Variants in HACD3 observed in about 807,000 individuals in gnomAD.
HACD3 encodes very-long-chain (3R)-3-hydroxyacyl-CoA dehydratase 3.
Under a neutral mutation model 55.2 loss-of-function variants are expected in HACD3, and 30 were observed. That is an observed-to-expected ratio of 0.54 (90% CI 0.41 to 0.74). The LOEUF (loss-of-function observed/expected upper bound fraction) is 0.74, where lower values mean the gene tolerates loss of function less well. Ranked by LOEUF, HACD3 falls within the 30% of genes least tolerant of loss-of-function variation. The pLI, the probability that HACD3 is intolerant of heterozygous loss-of-function variation, is 0.00. For synonymous variants in HACD3, 141 were observed against 151.7 expected, an observed-to-expected ratio of 0.93 and a Z score of 0.52; for missense variants, 363 against 440.1, an observed-to-expected ratio of 0.82 and a Z score of 1.57.
chr15:65,537,451 A>T (rs957618228), intron 1 of HACD3, among the ~76,000 whole-genome samples: 1 of 151,914 alleles, frequency 6.6e-6, no homozygotes, highest in Non-Finnish European at 1.5e-5. Context: ...TTGAAGTTGA[A>T]GCCAGTGCCC....
At position 65,564,451 on chromosome 15, in the gene HACD3, T is replaced by C. The variant is rs930127163; in HGVS notation, c.660+109T>C. The C allele has an allele frequency of 1.3e-5, 17 of 1,355,362 alleles. No homozygotes were observed. In the African/African-American group the frequency reaches 1.6e-4, roughly 13 times the overall value. 84.0% of individuals were successfully genotyped at this position (1,355,362 alleles called of 1,614,324 possible). A position where few individuals can be genotyped will look rare whatever the true frequency, so the allele number is the denominator to read the frequency against. On this transcript the variant is annotated intron_variant, in intron 7 of 10. Coordinates refer to ENST00000261875, the MANE Select transcript of HACD3 (RefSeq NM_016395.4). Reference sequence around the variant, plus strand: ...CTGCTCATAAAGACATACCTGAGACTGGGCAGTTTACAAAAGAAAGAGGTT... The same window carrying C: ...CTGCTCATAAAGACATACCTGAGACCGGGCAGTTTACAAAAGAAAGAGGTT...
Position 65,530,674 on chromosome 15 carries a change from C to A in HACD3, c.43C>A (p.Arg15=), listed in dbSNP as rs1183925835. 1.3e-6 allele frequency: 2 copies of A among 1,581,186 alleles called. No individual in the cohort carries two copies. The highest frequency in any genetic ancestry group is 1.4e-5 in the African/African-American group (1 of 73,876). ...GACGCCGCATGTCTACTGGGCTCAG[C>A]GACACCGCGAGCTATATCTGCGCGT... ...VLTPHVYWAQ[R]HRELYLRVEL... is the part of the protein sequence containing the mutation. Residue 15 remains arginine (R), a synonymous_variant, in exon 1 of 11, where the codon CGA becomes AGA. Coordinates refer to ENST00000261875, the MANE Select transcript of HACD3 (RefSeq NM_016395.4).
chr15:65,555,078 G>T, intron 3 of HACD3, 118 bp downstream of exon 3: 1 of 807,788 alleles, frequency 1.2e-6, no homozygotes. Flanking sequence ...GGGAATAATA[G>T]AGTTCTTTTA....
At position 65,544,128 on chromosome 15, in the gene HACD3, G is replaced by A. The variant is rs547946474; in HGVS notation, c.88-7548G>A. On this transcript the variant is annotated intron_variant, in intron 1 of 10. Transcript: ENST00000261875. The stretch of plus-strand genomic sequence containing the variant: ...GGAGGCGGAGCTTGCAGTGAGCCGA[G>A]ATTACGCCACTGCACTCCAGCCTGG... Among the ~76,000 whole-genome samples the A allele has an allele frequency of 2.4e-4, 36 of 152,248 alleles. No individual in the cohort carries two copies. In the East Asian group the frequency reaches 3.9e-3, roughly 16 times the overall value.
Position 65,558,704 on chromosome 15 carries a change from C to T in HACD3, c.394C>T (p.Arg132Ter), listed in dbSNP as rs754407217. The T allele has an allele frequency of 6.9e-6, 11 of 1,601,294 alleles. No homozygotes were observed. The highest frequency in any genetic ancestry group is 1.7e-4 in the Middle Eastern group (1 of 6,044). Residue 132 changes from arginine to a stop codon, truncating the protein, a stop_gained, in exon 5 of 11, where the codon CGA becomes TGA. Transcript: ENST00000261875. LOFTEE classifies it high-confidence loss of function. ...GGAAGAAGAGCGCCTAAATAAACTCCGACTGGAAAGCGAAGGCTCTCCTGA... is the reference window on the plus strand; with the variant it reads ...GGAAGAAGAGCGCCTAAATAAACTCTGACTGGAAAGCGAAGGCTCTCCTGA... ...AKEEERLNKLRLESEGSPETL... is the reference protein window; with the variant it reads ...AKEEERLNKL
chr15:65,530,642 AGGTGTTGAC>A lies in HACD3; in HGVS notation c.13_21del (p.Val5_Thr7del). 1 of 1,578,802 alleles carries A rather than the reference AGGTGTTGAC, an allele frequency of 6.3e-7. No homozygotes were observed. The highest frequency in any genetic ancestry group is 8.6e-7 in the Non-Finnish European group (1 of 1,163,446). The stretch of plus-strand genomic sequence containing the variant: ...CTGGGCAGTGTGGCCATGGAGAATC[AGGTGTTGAC>A]GCCGCATGTCTACTGGGCTCAGCGA... On this transcript the variant is annotated inframe_deletion, in exon 1 of 11. Coordinates refer to ENST00000261875, the MANE Select transcript of HACD3 (RefSeq NM_016395.4).
At chr15:65,538,938 G>A (rs1275545860) in intron 1 of HACD3, among the ~76,000 whole-genome samples, 1 of 152,102 alleles carries the variant, frequency 6.6e-6, no homozygotes, top group East Asian at 1.9e-4. Context: ...TAAAGTTAAG[G>A]TATGTACACT....
intron 1 of HACD3, among the ~76,000 whole-genome samples, chr15:65,540,315 G>A (rs559475227): frequency 3.8e-4 from 58 of 152,208 alleles, no homozygotes; most frequent in African/African-American, 1.4e-3. Context: ...CACATATAAA[G>A]GCACTACCTT....
intron 6 of HACD3, 43 bp from the exon 7 acceptor site, chr15:65,564,172 A>G: frequency 6.3e-7 from 1 of 1,594,000 alleles, no homozygotes; most frequent in African/African-American, 1.3e-5. Flanking sequence ...TTCTGTTGGA[A>G]TTTACCAACT....
Position 65,530,604 on chromosome 15 carries a change from G to C in HACD3, c.-28G>C, listed in dbSNP as rs1043536952. The stretch of plus-strand genomic sequence containing the variant: ...GAGGCAGCGAGGCGCAGCGAGCCTA[G>C]CCTCCCCGCGCCCTGGGCAGTGTGG... On this transcript the variant is annotated 5_prime_UTR_variant, in exon 1 of 11. Coordinates refer to ENST00000261875, the MANE Select transcript of HACD3 (RefSeq NM_016395.4). 1.3e-6 allele frequency: 2 copies of C among 1,552,120 alleles called. No individual in the cohort carries two copies. Among genetic ancestry groups the C allele is most frequent in the Non-Finnish European group, 1.7e-6 (2 of 1,148,040 alleles).
At chr15:65,549,494 G>T (rs1399385372) in intron 1 of HACD3, among the ~76,000 whole-genome samples, 1 of 150,936 alleles carries the variant, frequency 6.6e-6, no homozygotes, top group Non-Finnish European at 1.5e-5. Context: ...CAGCTGCTCG[G>T]GAGGCTGAAG....
intron 2 of HACD3, among the ~76,000 whole-genome samples, chr15:65,553,551 G>T (rs2072156515): frequency 6.6e-6 from 1 of 152,162 alleles, no homozygotes; most frequent in African/African-American, 2.4e-5. Context: ...TCCATCTACT[G>T]TAATATACTT....
rs2071886778 is a variant in HACD3, at chr15:65,530,616, C to T, written c.-16C>T. ...CGCAGCGAGCCTAGCCTCCCCGCGC[C>T]CTGGGCAGTGTGGCCATGGAGAATC... On this transcript the variant is annotated 5_prime_UTR_variant, in exon 1 of 11. Coordinates refer to ENST00000261875, the MANE Select transcript of HACD3 (RefSeq NM_016395.4). 3 of 1,564,682 alleles carry T rather than the reference C, an allele frequency of 1.9e-6. No individual in the cohort carries two copies. Among genetic ancestry groups the T allele is most frequent in the Non-Finnish European group, 2.6e-6 (3 of 1,155,810 alleles).
chr15:65,539,912 G>T (rs1044197874), intron 1 of HACD3, among the ~76,000 whole-genome samples: 6 of 152,168 alleles, frequency 3.9e-5, no homozygotes, highest in Non-Finnish European at 8.8e-5. Flanking sequence ...TATTGTGAAT[G>T]CCCAACGTGT....
chr15:65,570,223 T>C lies in HACD3; in HGVS notation c.773+20T>C, dbSNP rs761878092. 1.3e-6 allele frequency: 2 copies of C among 1,537,192 alleles called. No individual in the cohort carries two copies. Among genetic ancestry groups the C allele is most frequent in the East Asian group, 4.5e-5 (2 of 44,414 alleles). On this transcript the variant is annotated intron_variant, in intron 8 of 10. Transcript: ENST00000261875. ...TTTCAGGTGGGTAGAAATGCCAGGA[T>C]GGTGTTTGAATGCTGCTCCCTGTTT...
intron 7 of HACD3, among the ~76,000 whole-genome samples, chr15:65,567,674 A>G (rs909352328): frequency 6.6e-6 from 1 of 152,246 alleles, no homozygotes; most frequent in African/African-American, 2.4e-5. Context: ...ATGGATAAGA[A>G]TGACTGTTAC....
chr15:65,554,879 C>T lies in HACD3; in HGVS notation c.131-8C>T. ...AGTTTGCAGTAACCCACATTTCTTT[C>T]TTTATAGCTCAAGGACATGGTGCCA... On this transcript the variant is annotated splice_polypyrimidine_tract_variant and splice_region_variant and intron_variant, in intron 2 of 10. Transcript: ENST00000261875. 6.2e-7 allele frequency: 1 copy of T among 1,607,074 alleles called. No individual in the cohort carries two copies. The highest frequency in any genetic ancestry group is 8.5e-7 in the Non-Finnish European group (1 of 1,173,774).
At chr15:65,545,926 A>C (rs993219795) in intron 1 of HACD3, among the ~76,000 whole-genome samples, 37 of 152,218 alleles carry the variant, frequency 2.4e-4, no homozygotes, top group African/African-American at 8.9e-4. Flanking sequence ...TACTCTTTGT[A>C]AGAGAACTGC....
intron 7 of HACD3, 186 bp downstream of exon 7, chr15:65,564,528 A>T (rs1258617956): frequency 4.2e-6 from 3 of 710,282 alleles, no homozygotes; most frequent in Non-Finnish European, 6.5e-6. Context: ...ATCATGGTGG[A>T]GGGCGAAAGG....
Sources: gnomAD v4.1 joint callset for allele counts (sites outside exome capture counted in the v4.1 genomes callset) on GRCh38, gnomAD v4.1.1 for gene constraint, MANE v1.5 for transcripts, NCBI Gene and HGNC (gene_info 2026-07-23, HGNC 2026-07-21) for gene names.